NINJ2: variants seen among roughly 807,000 people sequenced by gnomAD.
The protein encoded by NINJ2 is ninjurin 2.
In NINJ2, 12 loss-of-function variants were observed where a neutral mutation model predicts 11.7. The ratio of observed to expected loss-of-function variants is 1.02; its 90% CI spans 0.66 to 1.66. NINJ2 has a LOEUF of 1.66. NINJ2 is among the 40% of genes most tolerant of loss of function. The probability of loss-of-function intolerance (pLI) is 0.00; values close to 1 mark genes in which losing one functional copy is unlikely to be tolerated. For synonymous variants in NINJ2, 93 were observed against 76.8 expected, an observed-to-expected ratio of 1.21 and a Z score of -1.10; for missense variants, 187 against 181.8, an observed-to-expected ratio of 1.03 and a Z score of -0.16.
chr12:567,500 T>C (rs917741859), intron 1 of NINJ2, among the ~76,000 whole-genome samples: 4 of 152,126 alleles, frequency 2.6e-5, no homozygotes, highest in Non-Finnish European at 5.9e-5. Flanking sequence ...GATGGATGGA[T>C]GGAGAGATTG....
At chr12:624,020 A>C (rs917417882) in intron 1 of NINJ2, among the ~76,000 whole-genome samples, 3 of 152,214 alleles carry the variant, frequency 2.0e-5, no homozygotes, top group African/African-American at 7.2e-5. Context: ...TTGGTGACAG[A>C]GCGAGACTCT....
At chr12:598,266 C>T (rs554627504) in intron 1 of NINJ2, among the ~76,000 whole-genome samples, 1 of 152,328 alleles carries the variant, frequency 6.6e-6, no homozygotes, top group Admixed American at 6.5e-5. Flanking sequence ...TTTTCACTGA[C>T]CTCCCCCTGG....
chr12:660,379 CAG>C (rs112588079), intron 1 of NINJ2, among the ~76,000 whole-genome samples: 3 of 134,220 alleles, frequency 2.2e-5, no homozygotes, highest in Non-Finnish European at 3.1e-5. Flanking sequence ...TTTTTTGAGA[CAG>C]AGTCTCAAAA....
At chr12:611,245 TTC>T (rs746399101) in intron 1 of NINJ2, among the ~76,000 whole-genome samples, 44 of 113,166 alleles carry the variant, frequency 3.9e-4, no homozygotes, top group Admixed American at 1.0e-3. Context: ...CTTTCTTTCT[TTC>T]TCTCTCTCTC....
chr12:598,450 A>G (rs1947819671), intron 1 of NINJ2, among the ~76,000 whole-genome samples: 1 of 152,176 alleles, frequency 6.6e-6, no homozygotes, highest in Admixed American at 6.5e-5. Flanking sequence ...AGACAGGGCT[A>G]TGTCTAAGGT....
intron 1 of NINJ2, among the ~76,000 whole-genome samples, chr12:598,358 C>T (rs1299457681): frequency 6.6e-6 from 1 of 152,182 alleles, no homozygotes; most frequent in Admixed American, 6.5e-5. Flanking sequence ...TCCTCCTTGC[C>T]CTCCCTCTGC....
chr12:610,547 C>T, intron 1 of NINJ2: 1 of 1,467,940 alleles, frequency 6.8e-7, no homozygotes, highest in Non-Finnish European at 9.0e-7. Context: ...CAGCAGATGC[C>T]CACCACAGCT....
Position 581,474 on chromosome 12 carries a change from T to C in NINJ2, c.34-15296A>G, listed in dbSNP as rs1947554546. Among the ~76,000 whole-genome samples the C allele has an allele frequency of 6.6e-6, 1 of 152,204 alleles. No homozygotes were observed. The highest frequency in any genetic ancestry group is 6.5e-5 in the Admixed American group (1 of 15,274). On this transcript the variant is annotated intron_variant, in intron 1 of 3. Coordinates refer to ENST00000305108, the MANE Select transcript of NINJ2 (RefSeq NM_016533.6). The surrounding 1 kb of genome is among the most constrained non-coding windows in gnomAD (Gnocchi z 4.9). ...CTGGAACCAGCCTGCCTGGATTGCC[T>C]GGCCCTAGGACTCATGCCTTTTCCC...
intron 1 of NINJ2, among the ~76,000 whole-genome samples, chr12:568,814 C>T (rs897101923): frequency 3.3e-5 from 5 of 151,632 alleles, no homozygotes; most frequent in South Asian, 2.1e-4. Context: ...TGGAGACCAG[C>T]GGGTAGCATT....
rs560818917 is a variant in NINJ2 at position 613,761 on chromosome 12, C to T, written c.34-47583G>A. Among the ~76,000 whole-genome samples, 457 of 151,242 alleles carry T rather than the reference C, an allele frequency of 3.0e-3. 3 individuals are homozygous for T. Among genetic ancestry groups the T allele is most frequent in the Non-Finnish European group, 5.1e-3 (345 of 67,786 alleles). On this transcript the variant is annotated intron_variant, in intron 1 of 3. Transcript: ENST00000305108. ...TCTACTAAAAATTCAAAAAATTAGCCGGGCGTGGTGGCGGGCGCCTGTAGT... is the reference window on the plus strand; with the variant it reads ...TCTACTAAAAATTCAAAAAATTAGCTGGGCGTGGTGGCGGGCGCCTGTAGT...
intron 1 of NINJ2, among the ~76,000 whole-genome samples, chr12:641,938 G>C (rs536732739): frequency 2.6e-4 from 39 of 152,084 alleles, no homozygotes; most frequent in African/African-American, 9.2e-4. Context: ...GAAAAGACCT[G>C]TCTTTGAGGA....
At position 581,289 on chromosome 12, in the gene NINJ2, G is replaced by C. The variant is rs1947551264; in HGVS notation, c.34-15111C>G. Among the ~76,000 whole-genome samples the C allele has an allele frequency of 6.6e-6, 1 of 152,144 alleles. No homozygotes were observed. The highest frequency in any genetic ancestry group is 2.1e-4 in the South Asian group (1 of 4,830). ...ATGAGACAGGCTACAGACAAGGCAG[G>C]GATACTGGTGCATTATCCGGAGGGA... On this transcript the variant is annotated intron_variant, in intron 1 of 3. Transcript: ENST00000305108. This position sits in a 1 kb window ranked among gnomAD's most constrained non-coding sequence, Gnocchi z 4.9.
Position 566,034 on chromosome 12 carries a change from A to G in NINJ2, c.178T>C (p.Ser60Pro). ...LKAVLEQGPS[S>P]HYYTTLVTLI... is the part of the protein sequence containing the mutation. ...GTGACCAGGGTGGTGTAGTAGTGAGAGGATGGTCCCTGCTCCAGCACCGCC... is the reference window on the plus strand; with the variant it reads ...GTGACCAGGGTGGTGTAGTAGTGAGGGGATGGTCCCTGCTCCAGCACCGCC... Residue 60 changes from serine (S) to proline (P), a missense_variant, in exon 2 of 4, where the codon TCT becomes CCT. Coordinates refer to ENST00000305108, the MANE Select transcript of NINJ2 (RefSeq NM_016533.6). 6.2e-7 allele frequency: 1 copy of G among 1,614,086 alleles called. No homozygotes were observed. Among genetic ancestry groups the G allele is most frequent in the Non-Finnish European group, 8.5e-7 (1 of 1,180,002 alleles).
At chr12:607,762 G>A (rs1016613979) in intron 1 of NINJ2, among the ~76,000 whole-genome samples, 23 of 152,274 alleles carry the variant, frequency 1.5e-4, no homozygotes, top group African/African-American at 5.1e-4. Context: ...GCTCCAAATT[G>A]CTTTTTCAGG....
At chr12:627,692 C>A (rs1168271108) in intron 1 of NINJ2, among the ~76,000 whole-genome samples, 1 of 152,254 alleles carries the variant, frequency 6.6e-6, no homozygotes, top group Non-Finnish European at 1.5e-5. Flanking sequence ...GAACCAGACT[C>A]GCCTGGGACA....
At chr12:616,075 T>C (rs1481712599) in intron 1 of NINJ2, among the ~76,000 whole-genome samples, 2 of 152,166 alleles carry the variant, frequency 1.3e-5, no homozygotes, top group Non-Finnish European at 2.9e-5. Flanking sequence ...AAGGAAGTTC[T>C]CAGGAAGGTA....
At chr12:600,319 C>G (rs1036304660) in intron 1 of NINJ2, among the ~76,000 whole-genome samples, 1 of 152,022 alleles carries the variant, frequency 6.6e-6, no homozygotes, top group Non-Finnish European at 1.5e-5. Flanking sequence ...TTTGGGAGGC[C>G]GAGGTGGCAG....
chr12:574,019 C>T (rs893070106), intron 1 of NINJ2, among the ~76,000 whole-genome samples: 2 of 152,056 alleles, frequency 1.3e-5, no homozygotes, highest in East Asian at 1.9e-4. Context: ...GTCAAGAGTT[C>T]GAGACCAGCC....
At chr12:599,011 T>C (rs921939727) in intron 1 of NINJ2, among the ~76,000 whole-genome samples, 1 of 151,922 alleles carries the variant, frequency 6.6e-6, no homozygotes, top group Admixed American at 6.6e-5. Context: ...ACAATGCTTG[T>C]ATTTTTGTTA....
Sources: gnomAD v4.1 joint callset for allele counts (sites outside exome capture counted in the v4.1 genomes callset) on GRCh38, gnomAD v4.1.1 for gene constraint, Gnocchi (gnomAD v3.1) non-coding constraint, MANE v1.5 for transcripts, NCBI Gene and HGNC (gene_info 2026-07-23, HGNC 2026-07-21) for gene names.